The following NRG2 variants were observed in gnomAD, a reference collection of about 807,000 sequenced individuals.
NRG2 encodes pro-neuregulin-2, membrane-bound isoform.
A neutral mutation model predicts 73.9 loss-of-function variants in NRG2; 27 were observed. The ratio of observed to expected loss-of-function variants is 0.37; its 90% CI spans 0.27 to 0.50. The LOEUF is 0.50. Among genes scored for constraint, NRG2 ranks in the 20% least tolerant of loss-of-function variants. The pLI is 0.96. For missense variants in NRG2, 1,126 were observed against 1,210.1 expected (o/e 0.93, Z 1.03); for synonymous variants, 532 against 541.0 (o/e 0.98, Z 0.23).
rs757584391 is a variant in NRG2 at position 139,852,993 on chromosome 5, G to C, written c.1327C>G (p.Gln443Glu). 6.2e-7 allele frequency: 1 copy of C among 1,613,414 alleles called. No homozygotes were observed. Among genetic ancestry groups the C allele is most frequent in the South Asian group, 1.1e-5 (1 of 91,004 alleles). The change falls in exon 7 of 10, where the codon CAG becomes GAG. Residue 443 changes from glutamine (Q) to glutamate (E), a missense_variant. Transcript: ENST00000361474. The surrounding 1 kb of genome is among the most constrained non-coding windows in gnomAD (Gnocchi z 4.4). ...TTCTGATGGGCCGGGCACATGTTCTGCCGGAGGTGGTTGTGCATCTGCTTC... is the reference window on the plus strand; with the variant it reads ...TTCTGATGGGCCGGGCACATGTTCTCCCGGAGGTGGTTGTGCATCTGCTTC... ...QRKQMHNHLR[Q>E]NMCPAHQNRS...
At chr5:140,030,924 C>T (rs1367140350) in intron 1 of NRG2, among the ~76,000 whole-genome samples, 2 of 152,092 alleles carry the variant, frequency 1.3e-5, no homozygotes, top group Non-Finnish European at 2.9e-5. Flanking sequence ...TGTTACTAGC[C>T]TTTTTGGAGA....
chr5:140,001,896 A>G (rs569136504), intron 1 of NRG2, among the ~76,000 whole-genome samples: 53 of 152,228 alleles, frequency 3.5e-4, no homozygotes, highest in Non-Finnish European at 7.4e-4. Flanking sequence ...TAAAATAATT[A>G]AGGAGGCCAG....
intron 1 of NRG2, among the ~76,000 whole-genome samples, chr5:139,979,726 T>C (rs1432951193): frequency 6.6e-6 from 1 of 152,114 alleles, no homozygotes; most frequent in African/African-American, 2.4e-5. Flanking sequence ...GACACATGAG[T>C]GAGCTTCAAA....
At chr5:139,964,363 C>G (rs781431599) in intron 1 of NRG2, among the ~76,000 whole-genome samples, 1 of 102,060 alleles carries the variant, frequency 9.8e-6, no homozygotes, top group Non-Finnish European at 2.0e-5. Flanking sequence ...CAGATACACA[C>G]ACACACACAC....
At chr5:140,007,136 C>T (rs542546952) in intron 1 of NRG2, among the ~76,000 whole-genome samples, 3 of 152,218 alleles carry the variant, frequency 2.0e-5, no homozygotes, top group African/African-American at 7.2e-5. Context: ...AAATATCCTA[C>T]AATGCCCAAG....
At chr5:139,965,294 C>T (rs1267820766) in intron 1 of NRG2, among the ~76,000 whole-genome samples, 1 of 152,196 alleles carries the variant, frequency 6.6e-6, no homozygotes, top group Non-Finnish European at 1.5e-5. Context: ...GGGACAGTAC[C>T]CCAGAGGGAC....
At chr5:139,935,371 C>G (rs188023422) in intron 1 of NRG2, among the ~76,000 whole-genome samples, 1 of 152,204 alleles carries the variant, frequency 6.6e-6, no homozygotes, top group African/African-American at 2.4e-5. Context: ...ACCAACTTGA[C>G]CTAATTAACA....
chr5:139,945,121 G>A (rs1753712828), intron 1 of NRG2, among the ~76,000 whole-genome samples: 1 of 151,780 alleles, frequency 6.6e-6, no homozygotes, highest in Non-Finnish European at 1.5e-5. Context: ...CTGCTGTTGA[G>A]GTGTTTGAGT....
chr5:139,992,620 CATTT>C (rs1757719214), intron 1 of NRG2, among the ~76,000 whole-genome samples: 1 of 152,174 alleles, frequency 6.6e-6, no homozygotes, highest in Non-Finnish European at 1.5e-5. Flanking sequence ...CCCTTCATTT[CATTT>C]ATCATGAATA....
chr5:140,043,087 G>A lies in NRG2; in HGVS notation c.-18C>T, dbSNP rs1469860963. 6.4e-7 allele frequency: 1 copy of A among 1,571,866 alleles called. No homozygotes were observed. Among genetic ancestry groups the A allele is most frequent in the Non-Finnish European group, 8.6e-7 (1 of 1,168,224 alleles). On this transcript the variant is annotated 5_prime_UTR_variant, in exon 1 of 10. Coordinates refer to ENST00000361474, the MANE Select transcript of NRG2 (RefSeq NM_004883.3). The surrounding 1 kb of genome is among the most constrained non-coding windows in gnomAD (Gnocchi z 6.7). The stretch of plus-strand genomic sequence containing the variant: ...TGCCGCATCTGGCCAGGCCATTTGG[G>A]GGGCTCCGCCGCTCAGCCGCCGCCG...
At chr5:139,995,549 A>G (rs1428528956) in intron 1 of NRG2, among the ~76,000 whole-genome samples, 1 of 152,152 alleles carries the variant, frequency 6.6e-6, no homozygotes. Flanking sequence ...TGCTCTTTAG[A>G]CCAGGAGCGG....
At chr5:139,913,228 T>C (rs1561675763) in intron 1 of NRG2, among the ~76,000 whole-genome samples, 1 of 152,158 alleles carries the variant, frequency 6.6e-6, no homozygotes. Context: ...TCATGCAACA[T>C]GTTGACCTTA....
chr5:139,960,154 T>A (rs79973078), intron 1 of NRG2, among the ~76,000 whole-genome samples: 1 of 152,162 alleles, frequency 6.6e-6, no homozygotes, highest in Non-Finnish European at 1.5e-5. Context: ...GAGGTTGGGG[T>A]TCTGCTTTGA....
chr5:140,020,048 C>A (rs1426447097), intron 1 of NRG2, among the ~76,000 whole-genome samples: 1 of 152,186 alleles, frequency 6.6e-6, no homozygotes. Flanking sequence ...CCACCATGCC[C>A]AGCTGGGATT....
At chr5:140,010,743 A>G (rs528351706) in intron 1 of NRG2, among the ~76,000 whole-genome samples, 6 of 152,276 alleles carry the variant, frequency 3.9e-5, no homozygotes, top group Admixed American at 6.5e-5. Flanking sequence ...TCCCCCTCCC[A>G]TCCACAAGGG....
intron 1 of NRG2, among the ~76,000 whole-genome samples, chr5:139,891,184 T>C (rs1056598877): frequency 2.0e-5 from 3 of 152,190 alleles, no homozygotes; most frequent in East Asian, 1.9e-4. Flanking sequence ...CCACCTTGGT[T>C]CCTGACATGA....
chr5:139,945,110 C>T (rs1480783037), intron 1 of NRG2, among the ~76,000 whole-genome samples: 1 of 151,666 alleles, frequency 6.6e-6, no homozygotes, highest in Non-Finnish European at 1.5e-5. Context: ...TGTATGTTTT[C>T]CTGCTGTTGA....
In NRG2 at chr5:139,851,124, T is replaced by A. The variant is rs1012549004; in HGVS notation, c.1772+480A>T. ...GCCTCAGCCTCCCAAGTAGCTGTGA[T>A]TACAGGCATGTGCCACCATGCCTGG... is the stretch of plus-strand genomic sequence containing the variant. On this transcript the variant is annotated intron_variant, in intron 9 of 9. Coordinates refer to ENST00000361474, the MANE Select transcript of NRG2 (RefSeq NM_004883.3). This position sits in a 1 kb window ranked among gnomAD's most constrained non-coding sequence, Gnocchi z 4.2. Among the ~76,000 whole-genome samples the A allele has an allele frequency of 6.6e-6, 1 of 152,126 alleles. No individual in the cohort carries two copies. Among genetic ancestry groups the A allele is most frequent in the South Asian group, 2.1e-4 (1 of 4,826 alleles).
intron 1 of NRG2, among the ~76,000 whole-genome samples, chr5:140,025,951 A>G (rs1760650938): frequency 1.3e-5 from 2 of 152,178 alleles, no homozygotes; most frequent in Non-Finnish European, 2.9e-5. Flanking sequence ...AAGAGCAATG[A>G]ACTGCTACAG....
Sources: gnomAD v4.1 joint callset for allele counts (sites outside exome capture counted in the v4.1 genomes callset) on GRCh38, gnomAD v4.1.1 for gene constraint, Gnocchi (gnomAD v3.1) non-coding constraint, MANE v1.5 for transcripts, NCBI Gene and HGNC (gene_info 2026-07-23, HGNC 2026-07-21) for gene names.